The following ZNF385D variants were observed in gnomAD, a reference collection of about 807,000 sequenced individuals.
ZNF385D encodes the protein zinc finger protein 659.
In ZNF385D, 15 loss-of-function variants were observed where a neutral mutation model predicts 35.8. That is an observed-to-expected ratio of 0.42 (90% confidence interval 0.28 to 0.64). The LOEUF is 0.64. Among genes scored for constraint, ZNF385D ranks in the 30% least tolerant of loss-of-function variants. The pLI, the probability that ZNF385D is intolerant of heterozygous loss-of-function variation, is 0.23. For missense variants in ZNF385D, 474 were observed against 494.6 expected (o/e 0.96, Z 0.39); for synonymous variants, 212 against 186.8 (o/e 1.13, Z -1.10).
intron 1 of ZNF385D, among the ~76,000 whole-genome samples, chr3:21,725,486 A>C (rs947969786): frequency 6.6e-6 from 1 of 152,198 alleles, no homozygotes; most frequent in South Asian, 2.1e-4. Context: ...TGCAATAAAA[A>C]ATGATACAGG....
intron 3 of ZNF385D, among the ~76,000 whole-genome samples, chr3:21,821,965 CAAA>C (rs34222360): frequency 0.012 from 1,313 of 108,436 alleles, 20 homozygotes; most frequent in African/African-American, 0.048. Context: ...GACCTTGTCT[CAAA>C]AAAAAAAAAA....
chr3:21,940,570 CAA>C (rs1459095952), intron 3 of ZNF385D, among the ~76,000 whole-genome samples: 2 of 152,196 alleles, frequency 1.3e-5, no homozygotes, highest in South Asian at 2.1e-4. Context: ...GCAATGAAAA[CAA>C]AACAGAACAA....
At chr3:21,711,496 C>T (rs1253293505) in intron 1 of ZNF385D, among the ~76,000 whole-genome samples, 7 of 152,000 alleles carry the variant, frequency 4.6e-5, no homozygotes, top group Non-Finnish European at 7.4e-5. Context: ...TTTTTAAAAA[C>T]GACAGTAATT....
chr3:21,556,341 T>A (rs140050915), intron 3 of ZNF385D, among the ~76,000 whole-genome samples: 23,152 of 152,040 alleles, frequency 0.15, 1,765 homozygotes, highest in East Asian at 0.16. Context: ...TCTTCTAGGG[T>A]TTTTATGGTT....
intron 2 of ZNF385D, among the ~76,000 whole-genome samples, chr3:22,225,177 TTTGA>T (rs1180709185): frequency 6.6e-6 from 1 of 152,134 alleles, no homozygotes; most frequent in African/African-American, 2.4e-5. Context: ...CAAAAATAAT[TTTGA>T]TTGAGTAGAA....
chr3:21,593,015 TC>T (rs765121610), intron 2 of ZNF385D, among the ~76,000 whole-genome samples: 15 of 152,148 alleles, frequency 9.9e-5, no homozygotes, highest in Non-Finnish European at 1.8e-4. Context: ...GTGTGGCAGA[TC>T]CTTGCGTGAC....
rs994350945 is a variant in ZNF385D, at chr3:22,093,058, C to T, written c.325+75759G>A. On this transcript the variant is annotated intron_variant, in intron 3 of 5. Transcript: ENST00000494108. ...GCTCCCACACCCTAAAGTGGGACAA[C>T]GTAGAGTCATAAGACAAAGAGTGTG... Among the ~76,000 whole-genome samples the T allele has an allele frequency of 2.2e-4, 33 of 151,918 alleles. 1 individual carries two copies. The highest frequency in any genetic ancestry group is 1.7e-3 in the Admixed American group (26 of 15,232).
At chr3:21,686,158 T>A (rs933009867) in intron 1 of ZNF385D, among the ~76,000 whole-genome samples, 4 of 152,164 alleles carry the variant, frequency 2.6e-5, no homozygotes, top group Admixed American at 6.5e-5. Flanking sequence ...TTTTTTAATG[T>A]CAGATGATTT....
intron 3 of ZNF385D, among the ~76,000 whole-genome samples, chr3:22,107,044 G>C (rs1233667980): frequency 6.2e-5 from 2 of 32,082 alleles, no homozygotes; most frequent in East Asian, 6.2e-4. Flanking sequence ...TTTTTTTTTA[G>C]ACAGAGTTTT....
chr3:21,423,687 A>C (rs1700849625), intron 7 of ZNF385D, among the ~76,000 whole-genome samples: 1 of 152,198 alleles, frequency 6.6e-6, no homozygotes, highest in Admixed American at 6.5e-5. Flanking sequence ...TTTGTCTCTT[A>C]AACACATTAA....
intron 3 of ZNF385D, among the ~76,000 whole-genome samples, chr3:21,821,790 A>G (rs1559658093): frequency 6.6e-6 from 1 of 151,932 alleles, no homozygotes; most frequent in Admixed American, 6.6e-5. Flanking sequence ...ATGAGAACCC[A>G]TCTCTACAAA....
At chr3:21,872,307 T>C (rs1240193462) in intron 3 of ZNF385D, among the ~76,000 whole-genome samples, 1 of 152,172 alleles carries the variant, frequency 6.6e-6, no homozygotes, top group Non-Finnish European at 1.5e-5. Flanking sequence ...CATTTTCTCA[T>C]AGTGCATGCT....
intron 3 of ZNF385D, among the ~76,000 whole-genome samples, chr3:21,902,744 G>A (rs1189835557): frequency 6.6e-6 from 1 of 152,142 alleles, no homozygotes; most frequent in East Asian, 1.9e-4. Context: ...GTTGCTAGAT[G>A]ACGAGTTAGT....
At chr3:22,014,115 C>T (rs752891134) in intron 3 of ZNF385D, among the ~76,000 whole-genome samples, 27 of 151,822 alleles carry the variant, frequency 1.8e-4, no homozygotes, top group Non-Finnish European at 3.2e-4. Flanking sequence ...TTTCAAGATG[C>T]TATCATATGA....
chr3:22,298,426 T>A (rs1052168831), intron 2 of ZNF385D, among the ~76,000 whole-genome samples: 1 of 145,376 alleles, frequency 6.9e-6, no homozygotes, highest in African/African-American at 2.5e-5. Context: ...CATTTATATA[T>A]AATATATAAA....
chr3:21,487,932 G>A (rs907790198), intron 4 of ZNF385D, among the ~76,000 whole-genome samples: 2 of 152,064 alleles, frequency 1.3e-5, no homozygotes, highest in Non-Finnish European at 2.9e-5. Flanking sequence ...GTAAGCTATT[G>A]TTACTATTAT....
At chr3:21,828,249 G>A (rs1694778215) in intron 3 of ZNF385D, among the ~76,000 whole-genome samples, 1 of 152,118 alleles carries the variant, frequency 6.6e-6, no homozygotes. Flanking sequence ...GAAGTTCGTG[G>A]TCATGTAGTC....
intron 3 of ZNF385D, among the ~76,000 whole-genome samples, chr3:22,088,010 T>TG (rs1383312916): frequency 6.6e-6 from 1 of 152,206 alleles, no homozygotes; most frequent in Non-Finnish European, 1.5e-5. Flanking sequence ...AGAATGTTAG[T>TG]GATCAGCTGT....
chr3:22,350,408 G>C (rs1695862258), intron 2 of ZNF385D, among the ~76,000 whole-genome samples: 1 of 152,106 alleles, frequency 6.6e-6, no homozygotes, highest in South Asian at 2.1e-4. Context: ...AAATGTGGAT[G>C]ATATCATAAT....
Sources: allele counts gnomAD v4.1 joint callset (sites outside exome capture counted in the v4.1 genomes callset), GRCh38; gene constraint gnomAD v4.1.1; transcripts MANE v1.5; gene names NCBI Gene and HGNC (gene_info 2026-07-23, HGNC 2026-07-21).